MINDY4: variants seen among roughly 807,000 people sequenced by gnomAD.
MINDY4 encodes MINDY lysine 48 deubiquitinase 4.
A neutral mutation model predicts 87.0 loss-of-function variants in MINDY4; 68 were observed. The observed-to-expected ratio is 0.78, with a 90% CI of 0.64 to 0.96. The LOEUF (loss-of-function observed/expected upper bound fraction) is 0.96. Ranked by LOEUF, MINDY4 falls within the 40% of genes least tolerant of loss-of-function variation. The pLI is 0.00. For synonymous variants in MINDY4, 379 were observed against 363.2 expected (o/e 1.04, Z -0.50); for missense variants, 919 against 928.2 (o/e 0.99, Z 0.13).
At chr7:30,851,835 A>T (rs569972555) in intron 10 of MINDY4, among the ~76,000 whole-genome samples, 1 of 152,284 alleles carries the variant, frequency 6.6e-6, no homozygotes, top group South Asian at 2.1e-4. Context: ...CTCGGAGAGG[A>T]TGGAGGTGGA....
At chr7:30,884,252 T>C (rs1790563747) in intron 17 of MINDY4, among the ~76,000 whole-genome samples, 1 of 151,858 alleles carries the variant, frequency 6.6e-6, no homozygotes, top group Non-Finnish European at 1.5e-5. Context: ...GAAGGGGAAA[T>C]GGGAGGAGCG....
At chr7:30,836,542 C>T in intron 6 of MINDY4, 116 bp from the exon 7 acceptor site, 1 of 842,966 alleles carries the variant, frequency 1.2e-6, no homozygotes, top group Non-Finnish European at 2.0e-6. Flanking sequence ...GGGGAGGAAC[C>T]CTCCTTTCAC....
chr7:30,787,217 AGTCTTGGG>A (rs1390718520), intron 4 of MINDY4, among the ~76,000 whole-genome samples: 4 of 152,096 alleles, frequency 2.6e-5, no homozygotes, highest in African/African-American at 9.7e-5. Context: ...AAGATCATGC[AGTCTTGGG>A]GTCCAGATCA....
chr7:30,799,899 C>T (rs1787596865), intron 5 of MINDY4, among the ~76,000 whole-genome samples: 2 of 152,178 alleles, frequency 1.3e-5, no homozygotes, highest in South Asian at 4.1e-4. Flanking sequence ...TCAGGCTGAT[C>T]CCCTGGGGAG....
chr7:30,782,184 ACAT>A lies in MINDY4; in HGVS notation c.395_397del (p.Ser132del), dbSNP rs758490572. ...TTCAGATGAAGATGCAGGATGGAGA[ACAT>A]CATTGTCAGAAACAAGCAAAGCCAG... is the stretch of plus-strand genomic sequence containing the variant. On this transcript the variant is annotated inframe_deletion, in exon 3 of 18. Transcript: ENST00000265299. The A allele has an allele frequency of 5.0e-6, 8 of 1,613,132 alleles. No individual in the cohort carries two copies. Among genetic ancestry groups the A allele is most frequent in the Non-Finnish European group, 6.8e-6 (8 of 1,179,542 alleles).
chr7:30,857,818 A>C (rs1789624661), intron 12 of MINDY4: 1 of 152,134 alleles, frequency 6.6e-6, no homozygotes, highest in Admixed American at 6.5e-5. Context: ...TCACCAATAC[A>C]ATCTTTTTAA....
At chr7:30,873,165 G>A (rs1282153123) in intron 14 of MINDY4, among the ~76,000 whole-genome samples, 6 of 152,232 alleles carry the variant, frequency 3.9e-5, no homozygotes, top group Non-Finnish European at 8.8e-5. Flanking sequence ...CAGAGGGACC[G>A]TGGGGTTGGC....
intron 5 of MINDY4, among the ~76,000 whole-genome samples, chr7:30,819,932 C>T (rs1455850849): frequency 2.5e-5 from 3 of 118,524 alleles, no homozygotes; most frequent in Admixed American, 2.1e-4. Flanking sequence ...GACGGAGTCT[C>T]GCTCTGTCGC....
At chr7:30,882,038 C>A in intron 15 of MINDY4, 143 bp from the exon 16 acceptor site, 1 of 832,438 alleles carries the variant, frequency 1.2e-6, no homozygotes, top group Non-Finnish European at 1.9e-6. Flanking sequence ...GCCTGAGCAG[C>A]GTGAGGGGCT....
At chr7:30,786,630 GAA>G (rs59508821) in intron 4 of MINDY4, 26,114 of 119,550 alleles carry the variant, frequency 0.22, 2,135 homozygotes, top group South Asian at 0.3. Flanking sequence ...GTCTCAAAAA[GAA>G]AAAAAAAAAA....
chr7:30,782,190 T>C lies in MINDY4; in HGVS notation c.397T>C (p.Leu133=), dbSNP rs770777365. The change falls in exon 3 of 18, where the codon TTG becomes CTG. Residue 133 remains leucine, a synonymous_variant. Transcript: ENST00000265299. ...TGAAGATGCAGGATGGAGAACATCA[T>C]TGTCAGAAACAAGCAAAGCCAGGTA... ...SDEDAGWRTS[L]SETSKARHDN... is the part of the protein sequence containing the mutation. 1 of 1,612,640 alleles carries C rather than the reference T, an allele frequency of 6.2e-7. No individual in the cohort carries two copies. The highest frequency in any genetic ancestry group is 2.2e-5 in the East Asian group (1 of 44,856).
intron 9 of MINDY4, among the ~76,000 whole-genome samples, chr7:30,841,795 G>A (rs1789048972): frequency 6.6e-6 from 1 of 152,072 alleles, no homozygotes; most frequent in Non-Finnish European, 1.5e-5. Context: ...GTACCCAGCA[G>A]GTACCCCTAT....
chr7:30,826,280 G>A (rs1027892943), intron 5 of MINDY4, among the ~76,000 whole-genome samples: 2 of 152,188 alleles, frequency 1.3e-5, no homozygotes, highest in Non-Finnish European at 2.9e-5. Flanking sequence ...ATTGCATTTA[G>A]CGTCTGTTCA....
chr7:30,884,215 G>C (rs892808690), intron 17 of MINDY4, among the ~76,000 whole-genome samples: 2 of 152,144 alleles, frequency 1.3e-5, no homozygotes, highest in African/African-American at 4.8e-5. Flanking sequence ...CAGAGAAAGA[G>C]AAATGTTCAC....
chr7:30,785,245 C>T (rs1787123899), intron 3 of MINDY4, among the ~76,000 whole-genome samples: 1 of 139,816 alleles, frequency 7.2e-6, no homozygotes. Flanking sequence ...CTTTCTTGCT[C>T]TCTTACTTCC....
intron 12 of MINDY4, among the ~76,000 whole-genome samples, chr7:30,856,430 AG>A (rs1424451647): frequency 6.6e-6 from 1 of 151,974 alleles, no homozygotes; most frequent in Non-Finnish European, 1.5e-5. Context: ...AGGCATGTCC[AG>A]GGCTCAAGGG....
rs765287774 is a variant in MINDY4 at position 30,791,233 on chromosome 7, G to T, written c.732G>T (p.Glu244Asp). The change falls in exon 5 of 18, where the codon GAG becomes GAT. Residue 244 changes from glutamate (E) to aspartate (D), a missense_variant. Physicochemically the swap from Glu to Asp is conservative, Grantham distance 45. Coordinates refer to ENST00000265299, the MANE Select transcript of MINDY4 (RefSeq NM_032222.3). ...GCAGCTCCACCCAACCCCAAGAAGA[G>T]AGCCGGAAGGTCCCTGAGCTCTTTG... ...PSSSSTQPQEESRKVPELFVC... is the reference protein window; with the variant it reads ...PSSSSTQPQEDSRKVPELFVC... 5.6e-6 allele frequency: 9 copies of T among 1,614,132 alleles called. No homozygotes were observed. Among genetic ancestry groups the T allele is most frequent in the Non-Finnish European group, 6.8e-6 (8 of 1,180,034 alleles).
chr7:30,882,171 C>A lies in MINDY4; in HGVS notation c.1972-10C>A. The A allele has an allele frequency of 6.2e-7, 1 of 1,600,270 alleles. No individual in the cohort carries two copies. The highest frequency in any genetic ancestry group is 8.5e-7 in the Non-Finnish European group (1 of 1,170,162). On this transcript the variant is annotated splice_polypyrimidine_tract_variant and intron_variant, in intron 15 of 17. Coordinates refer to ENST00000265299, the MANE Select transcript of MINDY4 (RefSeq NM_032222.3). The stretch of plus-strand genomic sequence containing the variant: ...GACGGCATTTCACATCAGGCCTCTC[C>A]CTCATCCAGGTTGGCTGCTTCCTGA...
At chr7:30,877,305 G>A (rs1469657051) in intron 15 of MINDY4, among the ~76,000 whole-genome samples, 1 of 152,174 alleles carries the variant, frequency 6.6e-6, no homozygotes, top group Admixed American at 6.5e-5. Flanking sequence ...GAGGGCGTTG[G>A]TCAGAGAGTA....
Sources: allele counts gnomAD v4.1 joint callset (sites outside exome capture counted in the v4.1 genomes callset), GRCh38; gene constraint gnomAD v4.1.1; transcripts MANE v1.5; gene names NCBI Gene and HGNC (gene_info 2026-07-23, HGNC 2026-07-21).